LRRC4C: variants seen among roughly 807,000 people sequenced by gnomAD.
LRRC4C encodes leucine-rich repeat-containing protein 4C.
LRRC4C carries 5 observed loss-of-function variants against 33.6 expected under a neutral mutation model. That is an observed-to-expected ratio of 0.15 (90% CI 0.08 to 0.31). The LOEUF (loss-of-function observed/expected upper bound fraction) is 0.31, where lower values mean the gene tolerates loss of function less well. Ranked by LOEUF, LRRC4C falls within the 10% of genes least tolerant of loss-of-function variation. The pLI is 1.00. For synonymous variants in LRRC4C, 329 were observed against 302.0 expected, an observed-to-expected ratio of 1.09 and a Z score of -0.93; for missense variants, 560 against 796.7, an observed-to-expected ratio of 0.70 and a Z score of 3.58.
At chr11:40,252,266 T>C (rs1290110847) in intron 4 of LRRC4C, among the ~76,000 whole-genome samples, 1 of 151,800 alleles carries the variant, frequency 6.6e-6, no homozygotes, top group Non-Finnish European at 1.5e-5. Flanking sequence ...AATACACATT[T>C]ATACACATCT....
intron 3 of LRRC4C, among the ~76,000 whole-genome samples, chr11:40,458,189 T>C (rs1012771417): frequency 3.9e-5 from 6 of 152,120 alleles, no homozygotes; most frequent in African/African-American, 9.7e-5. Context: ...CTGATGACAA[T>C]AGAATCCTTG....
intron 1 of LRRC4C, among the ~76,000 whole-genome samples, chr11:41,350,576 A>C (rs571741889): frequency 6.6e-6 from 1 of 152,258 alleles, no homozygotes; most frequent in African/African-American, 2.4e-5. Flanking sequence ...CCATGATAAA[A>C]ATGAGATGAA....
At chr11:40,984,401 AAGAAAGAAAGAAAG>A (rs541843735) in intron 1 of LRRC4C, among the ~76,000 whole-genome samples, 88 of 88,546 alleles carry the variant, frequency 9.9e-4, no homozygotes, top group African/African-American at 2.7e-3. Context: ...GAAAGAAAGA[AAGAAAGAAAGAAAG>A]AGAAAGAAAG....
intron 3 of LRRC4C, among the ~76,000 whole-genome samples, chr11:40,606,043 G>A (rs1960549952): frequency 6.6e-6 from 1 of 152,160 alleles, no homozygotes; most frequent in South Asian, 2.1e-4. Context: ...TGGCACAGCA[G>A]GTAGAGAACA....
chr11:40,688,356 C>A (rs1349012416), intron 2 of LRRC4C, among the ~76,000 whole-genome samples: 3 of 152,130 alleles, frequency 2.0e-5, no homozygotes, highest in Admixed American at 6.6e-5. Context: ...GTAAAGGACA[C>A]AACAAACTTC....
Position 40,218,864 on chromosome 11 carries a change from A to G in LRRC4C, c.-96+22655T>C, listed in dbSNP as rs562832742. On this transcript the variant is annotated intron_variant, in intron 5 of 6. Transcript: ENST00000528697. Reference sequence around the variant, plus strand: ...CACACACTCACTCTGTTGCATCCACACTGGCCTCCATGACTCTTCCAAGCC... The same window carrying G: ...CACACACTCACTCTGTTGCATCCACGCTGGCCTCCATGACTCTTCCAAGCC... 1.4e-3 allele frequency among the ~76,000 whole-genome samples: 206 copies of G among 151,868 alleles called. 1 individual carries two copies. The highest frequency in any genetic ancestry group is 4.9e-3 in the African/African-American group (201 of 41,406).
chr11:40,875,994 T>G lies in LRRC4C; in HGVS notation c.-407+57641A>C, dbSNP rs577807545. On this transcript the variant is annotated intron_variant, in intron 2 of 6. Transcript: ENST00000528697. ...TCCAGTCTACTTTGTAATCTCGTTTTGGTTGCTGTCACTGTAGAAAATCCT... is the reference window on the plus strand; with the variant it reads ...TCCAGTCTACTTTGTAATCTCGTTTGGGTTGCTGTCACTGTAGAAAATCCT... Among the ~76,000 whole-genome samples, 18 of 152,294 alleles carry G rather than the reference T, an allele frequency of 1.2e-4. No individual in the cohort carries two copies. The South Asian group carries it at 3.5e-3, about 30-fold the overall frequency.
intron 3 of LRRC4C, among the ~76,000 whole-genome samples, chr11:40,635,628 A>ATTTTTTTTTTTTTTTTTTTTTTTT (rs71060975): frequency 2.2e-5 from 2 of 92,198 alleles, no homozygotes; most frequent in African/African-American, 8.1e-5. Flanking sequence ...AAAGAACCAA[A>ATTTTTTTTTTTTTTTTTTTTTTTT]TTTTTTTTTT....
chr11:40,589,806 C>G (rs1958948402), intron 3 of LRRC4C, among the ~76,000 whole-genome samples: 1 of 149,048 alleles, frequency 6.7e-6, no homozygotes, highest in Non-Finnish European at 1.5e-5. Flanking sequence ...AATATTGGCC[C>G]CCACTCTCTT....
intron 3 of LRRC4C, among the ~76,000 whole-genome samples, chr11:40,404,618 G>T (rs1949891491): frequency 2.0e-5 from 3 of 151,800 alleles, no homozygotes; most frequent in African/African-American, 7.3e-5. Flanking sequence ...TTTTTTGCAA[G>T]AGCCTCCCAT....
rs1402061836 is a variant in LRRC4C at position 40,665,595 on chromosome 11, G to C, written c.-406-17317C>G. 2.0e-5 allele frequency among the ~76,000 whole-genome samples: 3 copies of C among 151,422 alleles called. No homozygotes were observed. The East Asian group carries it at 5.8e-4, about 29-fold the overall frequency. ...ATCTTTCCAAAACCAGAGAAGGACA[G>C]TTTGAGAAAACTACAGAATGTAGAG... On this transcript the variant is annotated intron_variant, in intron 2 of 6. Transcript: ENST00000528697.
intron 3 of LRRC4C, among the ~76,000 whole-genome samples, chr11:40,588,942 A>T (rs1008784879): frequency 2.8e-4 from 42 of 152,164 alleles, no homozygotes; most frequent in African/African-American, 1.0e-3. Flanking sequence ...GCTGAAAAAA[A>T]TGTACATTCT....
At chr11:41,163,397 C>A (rs934083732) in intron 1 of LRRC4C, among the ~76,000 whole-genome samples, 1 of 142,594 alleles carries the variant, frequency 7.0e-6, no homozygotes, top group Non-Finnish European at 1.5e-5. Context: ...GATTCCCCTG[C>A]CTCAGCTTCC....
At chr11:40,968,739 A>T (rs1271330884) in intron 1 of LRRC4C, among the ~76,000 whole-genome samples, 5 of 152,128 alleles carry the variant, frequency 3.3e-5, no homozygotes, top group African/African-American at 1.2e-4. Flanking sequence ...TTTTAAGCCC[A>T]CTTTTGAGAC....
chr11:40,365,321 A>G (rs1384424387), intron 3 of LRRC4C, among the ~76,000 whole-genome samples: 2 of 152,044 alleles, frequency 1.3e-5, no homozygotes, highest in African/African-American at 2.4e-5. Context: ...TCTTGATAGG[A>G]GGGTACACTA....
chr11:41,105,881 C>T (rs1010276616), intron 1 of LRRC4C, among the ~76,000 whole-genome samples: 36 of 152,050 alleles, frequency 2.4e-4, no homozygotes, highest in African/African-American at 8.5e-4. Context: ...TAATAAAGGA[C>T]TTTTCTAAAC....
chr11:41,094,319 A>G (rs930019028), intron 1 of LRRC4C, among the ~76,000 whole-genome samples: 1 of 151,928 alleles, frequency 6.6e-6, no homozygotes, highest in African/African-American at 2.4e-5. Context: ...AGGTCAGGAG[A>G]TACAGACCAT....
intron 2 of LRRC4C, among the ~76,000 whole-genome samples, chr11:40,736,782 CAT>C (rs1285830849): frequency 1.3e-5 from 2 of 151,410 alleles, no homozygotes; most frequent in Non-Finnish European, 2.9e-5. Flanking sequence ...AGCTGTATTT[CAT>C]ATGTTTGTTG....
intron 2 of LRRC4C, among the ~76,000 whole-genome samples, chr11:40,742,944 A>G (rs754942967): frequency 3.9e-5 from 6 of 152,060 alleles, no homozygotes; most frequent in Non-Finnish European, 8.8e-5. Context: ...TCATACCAGC[A>G]TCAGAAAAAG....
Sources: allele counts gnomAD v4.1 joint callset (sites outside exome capture counted in the v4.1 genomes callset), GRCh38; gene constraint gnomAD v4.1.1; transcripts MANE v1.5; gene names NCBI Gene and HGNC (gene_info 2026-07-23, HGNC 2026-07-21).